PLEKHG1: variants seen among roughly 807,000 people sequenced by gnomAD.
PLEKHG1 encodes pleckstrin homology and RhoGEF domain containing G1, also known as pleckstrin homology domain-containing family G member 1.
PLEKHG1 carries 44 observed loss-of-function variants against 100.8 expected under a neutral mutation model. The ratio of observed to expected loss-of-function variants is 0.44; its 90% CI spans 0.34 to 0.56. The LOEUF is 0.56. Ranked by LOEUF, PLEKHG1 falls within the 20% of genes least tolerant of loss-of-function variation. The pLI is 0.01. For missense variants in PLEKHG1, 1,545 were observed against 1,720.9 expected, an observed-to-expected ratio of 0.90 and a Z score of 1.81; for synonymous variants, 640 against 662.5, an observed-to-expected ratio of 0.97 and a Z score of 0.52.
intron 14 of PLEKHG1, among the ~76,000 whole-genome samples, chr6:150,829,594 A>G (rs1175403739): frequency 6.6e-6 from 1 of 152,230 alleles, no homozygotes; most frequent in African/African-American, 2.4e-5. Flanking sequence ...CCCAGGCTGC[A>G]TTCCAGCCTG....
chr6:150,780,348 TC>T (rs1451497594), intron 3 of PLEKHG1, among the ~76,000 whole-genome samples: 1 of 152,044 alleles, frequency 6.6e-6, no homozygotes, highest in Non-Finnish European at 1.5e-5. Flanking sequence ...ACTCCTGACC[TC>T]ATGATCTGCC....
chr6:150,644,755 G>A (rs1206549908), intron 2 of PLEKHG1, among the ~76,000 whole-genome samples: 1 of 151,920 alleles, frequency 6.6e-6, no homozygotes, highest in African/African-American at 2.4e-5. Flanking sequence ...ACTTCTCCAG[G>A]AACAACAGAA....
At chr6:150,796,207 C>T (rs1786323519) in intron 5 of PLEKHG1, among the ~76,000 whole-genome samples, 1 of 152,182 alleles carries the variant, frequency 6.6e-6, no homozygotes, top group African/African-American at 2.4e-5. Context: ...GCAAGTCTTG[C>T]CTGCTCACCC....
chr6:150,720,153 AT>A (rs1458082450), upstream of PLEKHG1, among the ~76,000 whole-genome samples: 1 of 152,196 alleles, frequency 6.6e-6, no homozygotes, highest in Non-Finnish European at 1.5e-5. Context: ...CATATTTTGA[AT>A]TTGAGTTCCA....
At chr6:150,610,232 G>T (rs944566255) in intron 1 of PLEKHG1, among the ~76,000 whole-genome samples, 1 of 152,182 alleles carries the variant, frequency 6.6e-6, no homozygotes, top group African/African-American at 2.4e-5. Flanking sequence ...CTCCCGAGTA[G>T]CTGGGATTAC....
At chr6:150,639,442 G>A (rs1778155979) in intron 2 of PLEKHG1, among the ~76,000 whole-genome samples, 1 of 151,682 alleles carries the variant, frequency 6.6e-6, no homozygotes, top group Admixed American at 6.6e-5. Context: ...TTGGAACTAC[G>A]TATTATTGTT....
At chr6:150,635,896 A>T (rs1777978330) in intron 1 of PLEKHG1, among the ~76,000 whole-genome samples, 1 of 152,194 alleles carries the variant, frequency 6.6e-6, no homozygotes, top group Admixed American at 6.5e-5. Context: ...CAACACTCAT[A>T]ATGGGTGTTG....
At chr6:150,633,299 C>T (rs1777840351) in intron 1 of PLEKHG1, 1 of 152,844 alleles carries the variant, frequency 6.5e-6, no homozygotes, top group African/African-American at 2.4e-5. Context: ...TGAGAGGAGT[C>T]ACCAGGTAAA....
chr6:150,787,056 A>T (rs1489246056), intron 4 of PLEKHG1, among the ~76,000 whole-genome samples: 1 of 150,572 alleles, frequency 6.6e-6, no homozygotes, highest in Non-Finnish European at 1.5e-5. Context: ...AAAAAAGAAG[A>T]TGAATGTTAG....
At chr6:150,813,935 G>T (rs1787701017) in intron 10 of PLEKHG1, among the ~76,000 whole-genome samples, 1 of 152,264 alleles carries the variant, frequency 6.6e-6, no homozygotes, top group Admixed American at 6.5e-5. Context: ...CATGAAAATT[G>T]AACTGGGTGG....
At chr6:150,754,685 TG>T (rs1314619451) in intron 2 of PLEKHG1, among the ~76,000 whole-genome samples, 1 of 150,912 alleles carries the variant, frequency 6.6e-6, no homozygotes, top group Non-Finnish European at 1.5e-5. Context: ...TTTTTTTTTT[TG>T]AGATCGAGTT....
exon 16 of PLEKHG1, chr6:150,841,074 T>C: frequency 1.4e-6 from 1 of 701,406 alleles, no homozygotes; most frequent in South Asian, 1.5e-5. Flanking sequence ...GCCCGGATTG[T>C]ACTGTAGCAC....
chr6:150,802,697 T>C (rs1786784079), intron 6 of PLEKHG1, among the ~76,000 whole-genome samples: 1 of 148,828 alleles, frequency 6.7e-6, no homozygotes, highest in South Asian at 2.1e-4. Context: ...AGTTTCACTC[T>C]GTTGCCAGGC....
At chr6:150,606,365 C>G (rs1346771650) in intron 1 of PLEKHG1, among the ~76,000 whole-genome samples, 1 of 152,172 alleles carries the variant, frequency 6.6e-6, no homozygotes, top group Admixed American at 6.5e-5. Context: ...AACATAAATA[C>G]TCCTTCTCTC....
At chr6:150,821,196 A>C in exon 13 of PLEKHG1, 1 of 1,613,024 alleles carries the variant, frequency 6.2e-7, no homozygotes, top group Non-Finnish European at 8.5e-7. Context: ...GTCTCCCAGA[A>C]CCTTCCTCAC....
chr6:150,833,543 A>C (rs1312333592), intron 15 of PLEKHG1, among the ~76,000 whole-genome samples: 1 of 152,104 alleles, frequency 6.6e-6, no homozygotes, highest in East Asian at 1.9e-4. Context: ...ACTTTTTTTG[A>C]AGGCCAAAAT....
chr6:150,652,974 G>A (rs564795253), intron 3 of PLEKHG1, among the ~76,000 whole-genome samples: 24 of 152,304 alleles, frequency 1.6e-4, no homozygotes, highest in Admixed American at 3.9e-4. Flanking sequence ...TACTTTGCTT[G>A]TGTCAGAGTT....
At chr6:150,791,438 G>A (rs1208666226) in intron 4 of PLEKHG1, among the ~76,000 whole-genome samples, 2 of 152,032 alleles carry the variant, frequency 1.3e-5, no homozygotes, top group African/African-American at 4.8e-5. Context: ...AAGGTGGGTG[G>A]ATCATTTGAG....
intron 1 of PLEKHG1, among the ~76,000 whole-genome samples, chr6:150,619,654 C>T (rs1777213108): frequency 6.6e-6 from 1 of 152,142 alleles, no homozygotes. Flanking sequence ...CATAAGGCAG[C>T]TTTTATGGAG....
Sources: gnomAD v4.1 joint callset for allele counts (sites outside exome capture counted in the v4.1 genomes callset) on GRCh38, gnomAD v4.1.1 for gene constraint, MANE v1.5 for transcripts, NCBI Gene and HGNC (gene_info 2026-07-23, HGNC 2026-07-21) for gene names.